Variants in HEPH observed in about 807,000 individuals in gnomAD.
The protein encoded by HEPH is hephaestin.
A neutral mutation model predicts 80.8 loss-of-function variants in HEPH; 69 were observed. The observed-to-expected ratio is 0.85, with a 90% CI of 0.70 to 1.04. The LOEUF (loss-of-function observed/expected upper bound fraction) is 1.04. Among genes scored for constraint, HEPH ranks in the 50% least tolerant of loss-of-function variants. The pLI is 0.00. For missense variants in HEPH, 1,115 were observed against 891.3 expected, an observed-to-expected ratio of 1.25 and a Z score of -3.20; for synonymous variants, 431 against 322.8, an observed-to-expected ratio of 1.34 and a Z score of -3.60.
At chrX:66,164,551 G>T in intron 1 of HEPH, 81 bp downstream of exon 1, 1 of 670,537 alleles carries the variant, frequency 1.5e-6, no homozygotes, top group Non-Finnish European at 1.8e-6. Context: ...GGGTTTAAGG[G>T]AGTCCTGGCC....
intron 15 of HEPH, among the ~76,000 whole-genome samples, chrX:66,217,585 A>G (rs755035299): frequency 1.3e-3 from 141 of 111,802 alleles, no homozygotes; most frequent in Non-Finnish European, 2.2e-3. Context: ...GAACCTCCTT[A>G]AAGCATAAAC....
chrX:66,233,328 G>A (rs1161692934), intron 15 of HEPH, among the ~76,000 whole-genome samples: 1 of 111,377 alleles, frequency 9.0e-6, no homozygotes, highest in Non-Finnish European at 1.9e-5. Flanking sequence ...CAAACCTCAA[G>A]CCTGTTTTGA....
rs755247050 is a variant in HEPH, at chrX:66,203,488, C to G, written c.2202C>G (p.Ile734Met). Residue 734 changes from isoleucine to methionine, a missense_variant, in exon 13 of 21, where the codon ATC becomes ATG. Physicochemically the swap from Ile to Met is conservative, Grantham distance 10. Transcript: ENST00000343002. The part of the protein sequence containing the change: ...TPRQRYQAAR[I>M]YYIMAEEVEW... The stretch of plus-strand genomic sequence containing the variant: ...GCCAACGCTACCAAGCTGCAAGAAT[C>G]TACTATATCATGGCAGAAGAAGTAG... The G allele has an allele frequency of 2.5e-6, 3 of 1,209,735 alleles. No homozygotes were observed. The highest frequency in any genetic ancestry group is 3.4e-6 in the Non-Finnish European group (3 of 895,082).
chrX:66,175,251 T>A (rs998517185), intron 4 of HEPH, among the ~76,000 whole-genome samples: 1 of 112,062 alleles, frequency 8.9e-6, no homozygotes, highest in African/African-American at 3.2e-5. Context: ...TCAGTACCAT[T>A]TGTCGAAAAT....
intron 15 of HEPH, 32 bp from the exon 16 acceptor site, chrX:66,255,003 G>A: frequency 9.4e-7 from 1 of 1,060,276 alleles, no homozygotes; most frequent in African/African-American, 1.8e-5. Flanking sequence ...TTCTGACCCG[G>A]TGCAACTGGA....
chrX:66,228,497 A>C (rs1194393162), intron 15 of HEPH, among the ~76,000 whole-genome samples: 1 of 113,181 alleles, frequency 8.8e-6, no homozygotes, highest in Non-Finnish European at 1.9e-5. Context: ...TCAAGAACCC[A>C]AAAACAAATG....
In HEPH at chrX:66,164,333, G is replaced by A. The variant is rs1215128609; in HGVS notation, c.-151G>A. ...CATCCCAGTAAACCCTGCCAAATTG[G>A]AATCCTGGACTTAATTTAGGAGAAA... On this transcript the variant is annotated 5_prime_UTR_variant, in exon 1 of 21. Transcript: ENST00000343002. The A allele has an allele frequency of 1.7e-5, 13 of 752,144 alleles. No homozygotes were observed. Among genetic ancestry groups the A allele is most frequent in the Non-Finnish European group, 7.8e-6 (5 of 638,884 alleles). 62.0% of individuals were successfully genotyped at this position (752,144 alleles called of 1,213,427 possible).
At position 66,266,706 on chromosome X, in the gene HEPH, A is replaced by G; in HGVS notation, c.*34A>G. On this transcript the variant is annotated 3_prime_UTR_variant, in exon 21 of 21. Coordinates refer to ENST00000343002, the MANE Select transcript of HEPH (RefSeq NM_001367233.3). The stretch of plus-strand genomic sequence containing the variant: ...GCCTGGAGATATCCTCAGGAAGCAC[A>G]TCTGTAGTGCACTCCCAGCAGGCCA... 9.8e-7 allele frequency: 1 copy of G among 1,022,907 alleles called. No homozygotes were observed. Among genetic ancestry groups the G allele is most frequent in the Non-Finnish European group, 1.4e-6 (1 of 730,733 alleles). The allele number at this position is 1,022,907 out of a possible 1,213,427, so 84.3% of individuals were successfully genotyped here.
chrX:66,263,765 G>A (rs369062369), intron 20 of HEPH, 77 bp downstream of exon 20: 1 of 962,994 alleles, frequency 1.0e-6, no homozygotes, highest in Non-Finnish European at 1.5e-6. Context: ...TACCTTTAGG[G>A]TATGGGACTT....
At chrX:66,246,095 G>T (rs1355457976) in intron 15 of HEPH, among the ~76,000 whole-genome samples, 5 of 112,004 alleles carry the variant, frequency 4.5e-5, no homozygotes, top group Non-Finnish European at 9.4e-5. Context: ...AAGTGGGACT[G>T]CTGGGTTGGA....
intron 15 of HEPH, among the ~76,000 whole-genome samples, chrX:66,209,680 G>T (rs890339095): frequency 3.6e-5 from 4 of 112,019 alleles, no homozygotes; most frequent in African/African-American, 6.5e-5. Flanking sequence ...AGGTGAGAAA[G>T]ATAAGTATTA....
chrX:66,186,482 C>T (rs1318261509), intron 4 of HEPH, among the ~76,000 whole-genome samples: 9 of 112,553 alleles, frequency 8.0e-5, no homozygotes, highest in Non-Finnish European at 1.5e-4. Flanking sequence ...GCGTCCATCA[C>T]CCCTTTCTTT....
At chrX:66,190,066 C>A in intron 6 of HEPH, 128 bp downstream of exon 6, 1 of 685,354 alleles carries the variant, frequency 1.5e-6, no homozygotes, top group South Asian at 3.7e-5. Context: ...TAAAGGATAG[C>A]ACACTAGATT....
chrX:66,230,960 G>A (rs1421854860), intron 15 of HEPH, among the ~76,000 whole-genome samples: 4 of 106,621 alleles, frequency 3.8e-5, no homozygotes, highest in African/African-American at 1.4e-4. Flanking sequence ...TGTATAAGGT[G>A]TAAGGAAAGG....
intron 15 of HEPH, among the ~76,000 whole-genome samples, chrX:66,234,335 A>G (rs2090273376): frequency 9.0e-6 from 1 of 111,428 alleles, no homozygotes; most frequent in Admixed American, 9.5e-5. Flanking sequence ...GGCATTTCAG[A>G]TGACTCTGTG....
intron 7 of HEPH, among the ~76,000 whole-genome samples, 199 bp from the exon 8 acceptor site, chrX:66,193,303 G>A (rs1039634120): frequency 1.8e-5 from 2 of 109,206 alleles, no homozygotes; most frequent in Non-Finnish European, 3.8e-5. Context: ...CCTATTTTTG[G>A]AAAGGCTCAA....
At chrX:66,165,460 A>T (rs1410054634) in intron 1 of HEPH, among the ~76,000 whole-genome samples, 1 of 111,880 alleles carries the variant, frequency 8.9e-6, no homozygotes, top group African/African-American at 3.2e-5. Context: ...TCCTTTATTC[A>T]GTTGAGTAAT....
intron 19 of HEPH, among the ~76,000 whole-genome samples, chrX:66,261,224 A>G (rs1443360584): frequency 8.9e-6 from 1 of 112,187 alleles, no homozygotes; most frequent in Non-Finnish European, 1.9e-5. Flanking sequence ...GTTTTTGAAT[A>G]TCTTCATCTA....
chrX:66,186,988 AT>A (rs1203488894), intron 4 of HEPH, among the ~76,000 whole-genome samples: 1 of 109,990 alleles, frequency 9.1e-6, no homozygotes, highest in Non-Finnish European at 1.9e-5. Context: ...CAGACTCTGA[AT>A]TTTTTTCTTC....
Sources: gnomAD v4.1 joint callset for allele counts (sites outside exome capture counted in the v4.1 genomes callset) on GRCh38, gnomAD v4.1.1 for gene constraint, MANE v1.5 for transcripts, NCBI Gene and HGNC (gene_info 2026-07-23, HGNC 2026-07-21) for gene names.